The following BRI3 variants were observed in gnomAD, a reference collection of about 807,000 sequenced individuals.
BRI3 encodes the protein membrane protein BRI3.
In BRI3, 6 loss-of-function variants were observed where a neutral mutation model predicts 12.8. The observed-to-expected ratio is 0.47, with a 90% CI of 0.26 to 0.93. The LOEUF (loss-of-function observed/expected upper bound fraction) is 0.93, where lower values mean the gene tolerates loss of function less well. BRI3 is among the 40% of genes least tolerant of loss of function. The pLI is 0.15. For synonymous variants in BRI3, 91 were observed against 76.1 expected (o/e 1.20, Z -1.02); for missense variants, 134 against 171.1 (o/e 0.78, Z 1.21).
chr7:98,288,888 T>C (rs1204174847), intron 2 of BRI3, among the ~76,000 whole-genome samples: 1 of 152,048 alleles, frequency 6.6e-6, no homozygotes, highest in Non-Finnish European at 1.5e-5. Context: ...CACGGTGTCC[T>C]ACTCCACTGG....
At chr7:98,301,667 GTGTGTGTGTGCACACGCGCGTC>G (rs1446647734), upstream of BRI3, among the ~76,000 whole-genome samples, 3 of 152,106 alleles carry the variant, frequency 2.0e-5, no homozygotes, top group Non-Finnish European at 4.4e-5. Context: ...ATGATGGTGT[GTGTGTGTGTGCACACGCGCGTC>G]TGTGTGTGTG....
At chr7:98,296,126 G>A (rs1212886512), downstream of BRI3, among the ~76,000 whole-genome samples, 1 of 152,160 alleles carries the variant, frequency 6.6e-6, no homozygotes, top group African/African-American at 2.4e-5. Flanking sequence ...AGCACTGAGC[G>A]ACTGTCCCTA....
chr7:98,308,203 A>G (rs1425091470), exon 2 of BRI3: 5 of 549,140 alleles, frequency 9.1e-6, no homozygotes, highest in Non-Finnish European at 1.7e-5. Flanking sequence ...TGCTTTAGCC[A>G]GGATGGCTCT....
upstream of BRI3, among the ~76,000 whole-genome samples, chr7:98,303,469 G>A (rs998000911): frequency 6.6e-6 from 1 of 152,148 alleles, no homozygotes; most frequent in Non-Finnish European, 1.5e-5. Flanking sequence ...TCCCCACCAC[G>A]CCATCACCTC....
At chr7:98,288,043 T>G (rs1413870291) in intron 2 of BRI3, among the ~76,000 whole-genome samples, 3 of 152,204 alleles carry the variant, frequency 2.0e-5, no homozygotes, top group Non-Finnish European at 4.4e-5. Flanking sequence ...TGGGGACCAC[T>G]CTGGGGGGTG....
intron 2 of BRI3, among the ~76,000 whole-genome samples, chr7:98,290,214 A>T (rs2116738825): frequency 1.8e-5 from 2 of 110,504 alleles, no homozygotes; most frequent in Admixed American, 2.6e-4. Flanking sequence ...TTTGAGACGG[A>T]GTCTCGCTCT....
downstream of BRI3, chr7:98,294,205 C>A: frequency 7.2e-7 from 1 of 1,381,648 alleles, no homozygotes; most frequent in Non-Finnish European, 1.0e-6. Context: ...GTTGCCCAGG[C>A]TGGTTTCGAA....
chr7:98,312,025 C>T, downstream of BRI3: 2 of 1,473,348 alleles, frequency 1.4e-6, no homozygotes, highest in Non-Finnish European at 1.8e-6. Context: ...TTCCCACCAA[C>T]ACAGGCAAAT....
downstream of BRI3, among the ~76,000 whole-genome samples, chr7:98,313,468 C>T (rs1026615387): frequency 1.2e-4 from 18 of 152,118 alleles, no homozygotes; most frequent in African/African-American, 4.3e-4. Flanking sequence ...TCACCTCTGT[C>T]CTCTCCAGCC....
rs146123865 is a variant in BRI3, at chr7:98,306,793, G to A, written n.144+128G>A. Reference sequence around the variant, plus strand: ...TGCGATCATAGCTCACAGCAGCCTCGAACTCATGGGCTCAAGCAATCCCCC... The same window carrying A: ...TGCGATCATAGCTCACAGCAGCCTCAAACTCATGGGCTCAAGCAATCCCCC... On this transcript the variant is annotated intron_variant and non_coding_transcript_variant, in intron 1 of 1. Coordinates refer to the BRI3 transcript ENST00000485422. 3.2e-3 allele frequency: 1,355 copies of A among 427,364 alleles called. 13 individuals carry two copies. Among genetic ancestry groups the A allele is most frequent in the African/African-American group, 0.025 (1,247 of 49,640 alleles). The allele number at this position is 427,364 out of a possible 1,614,324, so 26.5% of individuals were successfully genotyped here.
intron 2 of BRI3, among the ~76,000 whole-genome samples, chr7:98,287,305 TAGG>T (rs933081789): frequency 2.0e-5 from 3 of 152,062 alleles, no homozygotes; most frequent in African/African-American, 7.2e-5. Context: ...GAGGCTGCCT[TAGG>T]AGGTGCCGGA....
rs1210515779 is a variant in BRI3 at position 98,282,185 on chromosome 7, C to T, written c.143-166C>T. On this transcript the variant is annotated intron_variant, in intron 1 of 2. Transcript: ENST00000297290. ...TGAACTTTGTGTCACGAGGCGCTCG[C>T]TGTTGGCAGATTAGCGCCGAATCAG... 2.6e-5 allele frequency among the ~76,000 whole-genome samples: 4 copies of T among 152,228 alleles called. No individual in the cohort carries two copies. In the East Asian group the frequency reaches 7.7e-4, roughly 29 times the overall value.
intron 2 of BRI3, among the ~76,000 whole-genome samples, chr7:98,285,709 C>T (rs13246942): frequency 0.38 from 58,172 of 152,082 alleles, 12,716 homozygotes; most frequent in Middle Eastern, 0.54. Flanking sequence ...CTTTCTTCCA[C>T]AGGGGAGGCG....
At chr7:98,285,032 C>T (rs1266946212) in intron 2 of BRI3, among the ~76,000 whole-genome samples, 2 of 152,094 alleles carry the variant, frequency 1.3e-5, no homozygotes, top group East Asian at 1.9e-4. Context: ...GTCCTGCAAG[C>T]GGGGAAGGCA....
At chr7:98,305,040 GTTTTTTGTT>G (rs1327534068), upstream of BRI3, among the ~76,000 whole-genome samples, 336 of 87,064 alleles carry the variant, frequency 3.9e-3, 3 homozygotes, top group African/African-American at 0.016. Flanking sequence ...TAATTTTTTT[GTTTTTTGTT>G]TTTTTTTTTT....
At chr7:98,282,832 T>A (rs923846644) in intron 2 of BRI3, 1 of 205,574 alleles carries the variant, frequency 4.9e-6, no homozygotes, top group African/African-American at 2.3e-5. Flanking sequence ...TACTCTGCAG[T>A]TGATCGTCGA....
At chr7:98,302,358 T>G (rs149059663), upstream of BRI3, among the ~76,000 whole-genome samples, 709 of 152,346 alleles carry the variant, frequency 4.7e-3, 11 homozygotes, top group African/African-American at 0.016. Flanking sequence ...CTGTGATTTT[T>G]GGGGGCAAGA....
chr7:98,318,805 G>A, the BRI3 span, among the ~76,000 whole-genome samples: 2 of 151,656 alleles, frequency 1.3e-5, no homozygotes, highest in Admixed American at 6.6e-5. Context: ...TTAGCCGGGT[G>A]CAGTGGTGGG....
rs569265271 is a variant in BRI3, at chr7:98,298,283, G to A, written c.72-8200G>A. Among the ~76,000 whole-genome samples the A allele has an allele frequency of 3.1e-4, 47 of 151,936 alleles. No individual in the cohort carries two copies. The South Asian group carries it at 5.2e-3, about 17-fold the overall frequency. ...GTGTCACACGACCTGTAACTCACAG[G>A]AGCTGGATATAAAACCATGTATAAA... is the stretch of plus-strand genomic sequence containing the variant. On this transcript the variant is annotated intron_variant and NMD_transcript_variant, in intron 1 of 2. Transcript: ENST00000491463.
Sources: gnomAD v4.1 joint callset for allele counts (sites outside exome capture counted in the v4.1 genomes callset) on GRCh38, gnomAD v4.1.1 for gene constraint, MANE v1.5 for transcripts, NCBI Gene and HGNC (gene_info 2026-07-23, HGNC 2026-07-21) for gene names.